Variants in ADGRL3 observed in about 807,000 individuals in gnomAD.
The protein encoded by ADGRL3 is adhesion G protein-coupled receptor L3.
In ADGRL3, 62 loss-of-function variants were observed where a neutral mutation model predicts 153.5. That is an observed-to-expected ratio of 0.40 (90% CI 0.33 to 0.50). The LOEUF is 0.50. ADGRL3 is among the 20% of genes least tolerant of loss of function. ADGRL3 has a pLI of 0.47. For synonymous variants in ADGRL3, 710 were observed against 672.5 expected (o/e 1.06, Z -0.86); for missense variants, 1,641 against 1,859.4 (o/e 0.88, Z 2.16).
chr4:61,425,297 C>T (rs2097262981), intron 2 of ADGRL3: 1 of 152,306 alleles, frequency 6.6e-6, no homozygotes, highest in South Asian at 2.1e-4. Flanking sequence ...GCCATGCCCC[C>T]TATCCAAAGT....
At chr4:61,527,050 A>G (rs1376495547) in intron 4 of ADGRL3, among the ~76,000 whole-genome samples, 1 of 152,060 alleles carries the variant, frequency 6.6e-6, no homozygotes, top group Non-Finnish European at 1.5e-5. Context: ...TTTGCAACAC[A>G]TTTTTTAGAC....
At chr4:61,955,478 G>C (rs540360317) in intron 17 of ADGRL3, among the ~76,000 whole-genome samples, 40 of 152,196 alleles carry the variant, frequency 2.6e-4, no homozygotes, top group African/African-American at 9.6e-4. Context: ...TTAAGTACAT[G>C]ACAGTTAAAC....
At chr4:61,581,309 C>T (rs991015023) in intron 4 of ADGRL3, among the ~76,000 whole-genome samples, 1 of 151,932 alleles carries the variant, frequency 6.6e-6, no homozygotes, top group South Asian at 2.1e-4. Context: ...TCTGGGTGCA[C>T]GTGCACGGTA....
intron 2 of ADGRL3, chr4:61,427,963 C>T (rs1405551723): frequency 6.5e-6 from 1 of 152,832 alleles, no homozygotes; most frequent in Non-Finnish European, 1.5e-5. Flanking sequence ...GAGACCCGTC[C>T]ACCATCACCC....
chr4:61,929,625 G>A (rs963461505), intron 13 of ADGRL3, among the ~76,000 whole-genome samples: 1 of 152,144 alleles, frequency 6.6e-6, no homozygotes, highest in Middle Eastern at 3.2e-3. Context: ...CACTGCTTTT[G>A]GCTCTTGTAA....
chr4:61,694,176 ATTAT>A (rs1561075125), intron 6 of ADGRL3, among the ~76,000 whole-genome samples: 4 of 94,698 alleles, frequency 4.2e-5, no homozygotes, highest in African/African-American at 7.4e-5. Flanking sequence ...AAATTTTGTC[ATTAT>A]TTTTTTTTTT....
intron 1 of ADGRL3, among the ~76,000 whole-genome samples, chr4:61,300,964 C>CG (rs1418243573): frequency 6.6e-6 from 1 of 152,052 alleles, no homozygotes; most frequent in Non-Finnish European, 1.5e-5. Context: ...GGGGTTTCAC[C>CG]ATCTTGGCCA....
chr4:61,863,393 A>G (rs547439767), intron 9 of ADGRL3, among the ~76,000 whole-genome samples: 25 of 150,492 alleles, frequency 1.7e-4, no homozygotes, highest in Non-Finnish European at 3.5e-4. Flanking sequence ...GCCCGCCACT[A>G]CGCCCGGCTA....
intron 1 of ADGRL3, among the ~76,000 whole-genome samples, chr4:61,264,194 A>G (rs538520341): frequency 4.6e-5 from 7 of 152,138 alleles, no homozygotes; most frequent in South Asian, 2.1e-4. Flanking sequence ...ATTTCGTTCA[A>G]TTAAGCTGGT....
chr4:61,830,530 G>T (rs191980259), intron 9 of ADGRL3, among the ~76,000 whole-genome samples: 1 of 152,258 alleles, frequency 6.6e-6, no homozygotes, highest in East Asian at 1.9e-4. Flanking sequence ...ACTCTCAATT[G>T]AAGTTACTAT....
intron 1 of ADGRL3, among the ~76,000 whole-genome samples, chr4:61,302,147 A>T (rs956574920): frequency 9.9e-5 from 15 of 152,154 alleles, no homozygotes; most frequent in Non-Finnish European, 1.5e-5. Flanking sequence ...ATGGCAGAAG[A>T]TTGTGCTTGA....
intron 6 of ADGRL3, among the ~76,000 whole-genome samples, chr4:61,719,279 C>A (rs1490788812): frequency 6.6e-6 from 1 of 152,110 alleles, no homozygotes; most frequent in African/African-American, 2.4e-5. Context: ...TATCCCAATA[C>A]TACAGAACTA....
At chr4:61,228,024 T>C (rs1748743446) in intron 1 of ADGRL3, among the ~76,000 whole-genome samples, 1 of 152,248 alleles carries the variant, frequency 6.6e-6, no homozygotes, top group African/African-American at 2.4e-5. Context: ...AGTCCACTTA[T>C]GAAAATCTGA....
chr4:61,556,211 A>C (rs1042754588), intron 4 of ADGRL3, among the ~76,000 whole-genome samples: 5 of 152,184 alleles, frequency 3.3e-5, no homozygotes, highest in Non-Finnish European at 7.3e-5. Context: ...AAGGTGGGGA[A>C]GAAAGAATGG....
chr4:61,639,432 G>A (rs2150139896), intron 5 of ADGRL3, among the ~76,000 whole-genome samples: 1 of 152,042 alleles, frequency 6.6e-6, no homozygotes, highest in Non-Finnish European at 1.5e-5. Context: ...AAATAGGATT[G>A]AACATTATTA....
rs150971996 is a variant in ADGRL3 at position 61,596,526 on chromosome 4, A to G, written c.473+9086A>G. Among the ~76,000 whole-genome samples the G allele has an allele frequency of 3.5e-3, 532 of 152,280 alleles. 17 individuals carry two copies. The South Asian group carries it at 0.056, about 16-fold the overall frequency. ...CATTCTCTGCCAGAGCTCAACTTAC[A>G]CTGAAAACATATTATGAAATTTGCC... On this transcript the variant is annotated intron_variant, in intron 5 of 26. Coordinates refer to ENST00000683033, the MANE Select transcript of ADGRL3 (RefSeq NM_001387552.1).
intron 8 of ADGRL3, among the ~76,000 whole-genome samples, chr4:61,763,353 A>C (rs1561206720): frequency 2.8e-5 from 4 of 142,522 alleles, no homozygotes. Flanking sequence ...ATGTCCAGCT[A>C]TTTTTTTTTT....
chr4:61,736,591 G>A (rs2096518231), intron 8 of ADGRL3, among the ~76,000 whole-genome samples: 2 of 152,334 alleles, frequency 1.3e-5, no homozygotes, highest in South Asian at 2.1e-4. Context: ...CTGGGAGGCG[G>A]AGGTTGCAGC....
At chr4:61,479,016 A>G (rs950726936) in intron 2 of ADGRL3, among the ~76,000 whole-genome samples, 2 of 152,100 alleles carry the variant, frequency 1.3e-5, no homozygotes, top group Non-Finnish European at 2.9e-5. Context: ...CATTAAAGCT[A>G]TACTTCAGCT....
Sources: gnomAD v4.1 joint callset for allele counts (sites outside exome capture counted in the v4.1 genomes callset) on GRCh38, gnomAD v4.1.1 for gene constraint, MANE v1.5 for transcripts, NCBI Gene and HGNC (gene_info 2026-07-23, HGNC 2026-07-21) for gene names.